TONSL: variants seen among roughly 807,000 people sequenced by gnomAD.
TONSL encodes the protein tonsoku-like protein.
A neutral mutation model predicts 147.1 loss-of-function variants in TONSL; 112 were observed. That is an observed-to-expected ratio of 0.76 (90% CI 0.65 to 0.89). TONSL has a LOEUF of 0.89. Among genes scored for constraint, TONSL ranks in the 40% least tolerant of loss-of-function variants. The pLI is 0.00. For missense variants in TONSL, 1,883 were observed against 1,864.6 expected (o/e 1.01, Z -0.18); for synonymous variants, 868 against 801.5 (o/e 1.08, Z -1.40).
rs1823720870 is a variant in TONSL, at chr8:144,441,573, CAG to C, written c.865+462_865+463del. 1.5e-5 allele frequency: 3 copies of C among 195,298 alleles called. 1 individual carries two copies. The South Asian group carries it at 2.7e-4, about 17-fold the overall frequency. The allele number at this position is 195,298 out of a possible 1,614,324, so 12.1% of individuals were successfully genotyped here. A position where few individuals can be genotyped will look rare whatever the true frequency, so the allele number is the denominator to read the frequency against. On this transcript the variant is annotated intron_variant, in intron 7 of 25. Coordinates refer to ENST00000409379, the MANE Select transcript of TONSL (RefSeq NM_013432.5). ...TGCCACTGCACTCCAGCCTGGGTGA[CAG>C]AGCGAGACTCCGTCTCAAGAAAAAA... is the stretch of plus-strand genomic sequence containing the variant.
rs146192032 is a variant in TONSL at position 144,436,662 on chromosome 8, G to A, written c.1910C>T (p.Thr637Met). The change falls in exon 16 of 26, where the codon ACG (threonine) becomes ATG (methionine). Residue 637 changes from threonine to methionine, a missense_variant. By Grantham distance (81) the Thr-to-Met change is moderately conservative. Coordinates refer to ENST00000409379, the MANE Select transcript of TONSL (RefSeq NM_013432.5). ...GTACAGCTTCACCCACTGCTGCAGC[G>A]TCTCCAGCGGGCTGAGGCCCTGTGT... Reference protein sequence around the residue: ...RTRKGLSPLETLQQWVKLYRR... With the variant: ...RTRKGLSPLEMLQQWVKLYRR... 184 of 1,612,186 alleles carry A rather than the reference G, an allele frequency of 1.1e-4. 1 individual carries two copies. The African/African-American group carries it at 2.2e-3, about 19-fold the overall frequency.
intron 9 of TONSL, 71 bp downstream of exon 9, chr8:144,440,647 A>C (rs1379043613): frequency 1.3e-6 from 2 of 1,558,610 alleles, no homozygotes; most frequent in Non-Finnish European, 1.7e-6. Flanking sequence ...GTCCATGGCC[A>C]CCCTGAGAAC....
rs375721612 is a variant in TONSL at position 144,432,468 on chromosome 8, G to A, written c.3560-8C>T. 423 of 1,526,836 alleles carry A rather than the reference G, an allele frequency of 2.8e-4. No homozygotes were observed. Among genetic ancestry groups the A allele is most frequent in the Non-Finnish European group, 3.6e-4 (408 of 1,139,172 alleles). 94.6% of individuals were successfully genotyped at this position (1,526,836 alleles called of 1,614,324 possible). ...TCTTCAGGTGCTCAGCATCTGCACC[G>A]GGGCCAGAATCCGTCAGCCCCACGT... On this transcript the variant is annotated splice_region_variant and splice_polypyrimidine_tract_variant and intron_variant, in intron 22 of 25. Transcript: ENST00000409379.
chr8:144,437,502 C>G (rs1332688737), intron 13 of TONSL, among the ~76,000 whole-genome samples: 1 of 152,028 alleles, frequency 6.6e-6, no homozygotes, highest in East Asian at 1.9e-4. Flanking sequence ...TGAGACCAGC[C>G]AGGCTGGTCT....
At position 144,440,700 on chromosome 8, in the gene TONSL, G is replaced by C; in HGVS notation, c.1164+18C>G. Reference sequence around the variant, plus strand: ...GACATGGGTGAACCTGCATTCGGGCGGGGAGCAAGGGTTTCACCTCCAGCA... The same window carrying C: ...GACATGGGTGAACCTGCATTCGGGCCGGGAGCAAGGGTTTCACCTCCAGCA... On this transcript the variant is annotated intron_variant, in intron 9 of 25. Transcript: ENST00000409379. 1 of 1,607,046 alleles carries C rather than the reference G, an allele frequency of 6.2e-7. No individual in the cohort carries two copies. Among genetic ancestry groups the C allele is most frequent in the Non-Finnish European group, 8.5e-7 (1 of 1,176,194 alleles).
chr8:144,442,919 G>GGAGGGA, intron 4 of TONSL, 113 bp from the exon 5 acceptor site: 1 of 1,418,664 alleles, frequency 7.0e-7, no homozygotes, highest in Non-Finnish European at 9.4e-7. Flanking sequence ...CTCCTCCCGA[G>GGAGGGA]GTGGGTGCAA....
At chr8:144,433,269 C>G (rs373668060) in intron 22 of TONSL, 19 of 220,954 alleles carry the variant, frequency 8.6e-5, no homozygotes, top group South Asian at 3.4e-4. Context: ...ATAGAGACGG[C>G]GTTTCACCGT....
chr8:144,435,344 G>A (rs2130846991), intron 18 of TONSL, 130 bp downstream of exon 18: 1 of 1,224,276 alleles, frequency 8.2e-7, no homozygotes, highest in Non-Finnish European at 1.1e-6. Context: ...TGCTATTCCT[G>A]GGGGCCACAG....
rs1395474854 is a variant in TONSL at position 144,436,147 on chromosome 8, G to A, written c.2286C>T (p.Cys762=). The change falls in exon 17 of 26, where the codon TGC becomes TGT. Residue 762 remains cysteine, a synonymous_variant. Coordinates refer to ENST00000409379, the MANE Select transcript of TONSL (RefSeq NM_013432.5). ...PARPSQKRPR[C]SATAQRVAAW... ...CTGCCACCCGTTGTGCTGTGGCCGA[G>A]CACCGAGGCCTCTTCTGGGACGGCC... 1.9e-6 allele frequency: 3 copies of A among 1,567,926 alleles called. No homozygotes were observed. The highest frequency in any genetic ancestry group is 2.7e-5 in the African/African-American group (2 of 74,224).
At chr8:144,438,306 A>T (rs1011211) in intron 13 of TONSL, 165 bp downstream of exon 13, 13 of 660,470 alleles carry the variant, frequency 2.0e-5, no homozygotes, top group Middle Eastern at 4.1e-4. Context: ...CCCAGGATGA[A>T]GTGATCCTCC....
chr8:144,431,952 C>T (rs1156718945), intron 23 of TONSL, among the ~76,000 whole-genome samples: 2 of 151,802 alleles, frequency 1.3e-5, no homozygotes, highest in Non-Finnish European at 2.9e-5. Flanking sequence ...CTCAGCATCC[C>T]GAGTAGCTGG....
Position 144,441,055 on chromosome 8 carries a change from G to C in TONSL, c.922C>G (p.Gln308Glu). 6.2e-7 allele frequency: 1 copy of C among 1,612,988 alleles called. No homozygotes were observed. Among genetic ancestry groups the C allele is most frequent in the South Asian group, 1.1e-5 (1 of 91,090 alleles). ...QLEEAEGRDP[Q>E]GAMVICEQLG... ...TGCTCACAGATGACCATGGCACCCT[G>C]AGGGTCTCTGCCCTCAGCCTCTTCC... Residue 308 changes from glutamine (Q) to glutamate (E), a missense_variant, in exon 8 of 26, where the codon CAG becomes GAG. Transcript: ENST00000409379.
At chr8:144,441,219 TCTGC>T in intron 7 of TONSL, 108 bp from the exon 8 acceptor site, 1 of 1,438,338 alleles carries the variant, frequency 7.0e-7, no homozygotes, top group Non-Finnish European at 9.3e-7. Flanking sequence ...TCTCCACACC[TCTGC>T]CTGCCTGTTG....
Position 144,436,491 on chromosome 8 carries a change from G to A in TONSL, c.2014+67C>T, listed in dbSNP as rs572927924. Reference sequence around the variant, plus strand: ...CTCCACCTGTGATGGAGCATCTCCCGAAATCAGGGCCCGGGGACTCTCAGC... The same window carrying A: ...CTCCACCTGTGATGGAGCATCTCCCAAAATCAGGGCCCGGGGACTCTCAGC... On this transcript the variant is annotated intron_variant, in intron 16 of 25. Transcript: ENST00000409379. The A allele has an allele frequency of 3.2e-4, 508 of 1,571,588 alleles. 1 individual carries two copies. The highest frequency in any genetic ancestry group is 8.5e-4 in the Middle Eastern group (5 of 5,892).
At chr8:144,437,508 G>A (rs527817229) in intron 13 of TONSL, among the ~76,000 whole-genome samples, 1 of 152,012 alleles carries the variant, frequency 6.6e-6, no homozygotes, top group East Asian at 1.9e-4. Flanking sequence ...CAGCCAGGCT[G>A]GTCTCAAGCT....
chr8:144,430,663 G>A, intron 24 of TONSL, 126 bp from the exon 25 acceptor site: 1 of 1,197,270 alleles, frequency 8.4e-7, no homozygotes, highest in Non-Finnish European at 1.1e-6. Flanking sequence ...CTCTGCCTCA[G>A]CCTGGCCCAG....
At chr8:144,443,813 G>C (rs1164247011) in intron 3 of TONSL, 69 bp downstream of exon 3, 1 of 1,527,452 alleles carries the variant, frequency 6.5e-7, no homozygotes, top group East Asian at 2.5e-5. Context: ...GCGAAGACCA[G>C]GCCTCCCTCC....
In TONSL at chr8:144,438,491, C is replaced by T. The variant is rs202000622; in HGVS notation, c.1633G>A (p.Val545Ile). Reference sequence around the variant, plus strand: ...CCCACCTGCCTCACAAGGTCCTGGACGCGGCGCAGCTGGCCCTCGATGCAG... The same window carrying T: ...CCCACCTGCCTCACAAGGTCCTGGATGCGGCGCAGCTGGCCCTCGATGCAG... ...RACIEGQLRR[V>I]QDLVRQGHPL... The change falls in exon 13 of 26, where the codon GTC becomes ATC. Residue 545 changes from valine (V) to isoleucine (I), a missense_variant. Transcript: ENST00000409379. The T allele has an allele frequency of 1.7e-4, 278 of 1,613,002 alleles. No individual in the cohort carries two copies. The East Asian group carries it at 3.3e-3, about 19-fold the overall frequency.
chr8:144,442,318 A>C lies in TONSL; in HGVS notation c.673T>G (p.Leu225Val). The C allele has an allele frequency of 6.3e-7, 1 of 1,598,236 alleles. No individual in the cohort carries two copies. The highest frequency in any genetic ancestry group is 8.6e-7 in the Non-Finnish European group (1 of 1,169,368). ...TGCGCACACTCCCGGGCACCCTCCA[A>C]GCAGCGCATAGCCTGGGAGTGCTGG... ...AGQHSQAMRC[L>V]EGARECAHTM... Residue 225 changes from leucine (L) to valine (V), a missense_variant, in exon 6 of 26, where the codon TTG (leucine) becomes GTG (valine). Physicochemically the swap from Leu to Val is conservative, Grantham distance 32. Coordinates refer to ENST00000409379, the MANE Select transcript of TONSL (RefSeq NM_013432.5).
Sources: gnomAD v4.1 joint callset for allele counts (sites outside exome capture counted in the v4.1 genomes callset) on GRCh38, gnomAD v4.1.1 for gene constraint, MANE v1.5 for transcripts, NCBI Gene and HGNC (gene_info 2026-07-23, HGNC 2026-07-21) for gene names.